The following MAGI1 variants were observed in gnomAD, a reference collection of about 807,000 sequenced individuals.
MAGI1 encodes the protein membrane-associated guanylate kinase, WW and PDZ domain-containing protein 1.
Under a neutral mutation model 139.9 loss-of-function variants are expected in MAGI1, and 58 were observed. The ratio of observed to expected loss-of-function variants is 0.41; its 90% CI spans 0.34 to 0.52. The LOEUF is 0.52. Ranked by LOEUF, MAGI1 falls within the 20% of genes least tolerant of loss-of-function variation. MAGI1 has a pLI of 0.12. For synonymous variants in MAGI1, 812 were observed against 737.9 expected, an observed-to-expected ratio of 1.10 and a Z score of -1.63; for missense variants, 1,874 against 1,901.6, an observed-to-expected ratio of 0.99 and a Z score of 0.27.
intron 2 of MAGI1, among the ~76,000 whole-genome samples, chr3:65,505,767 GA>G (rs1484220192): frequency 6.6e-6 from 1 of 151,590 alleles, no homozygotes; most frequent in Non-Finnish European, 1.5e-5. Context: ...TGCATATAAT[GA>G]AAACTAAAGA....
At chr3:65,791,608 G>A (rs1401338479) in intron 1 of MAGI1, among the ~76,000 whole-genome samples, 1 of 152,144 alleles carries the variant, frequency 6.6e-6, no homozygotes, top group Non-Finnish European at 1.5e-5. Flanking sequence ...GGCAGGAAGA[G>A]GTGGAGGATG....
intron 2 of MAGI1, among the ~76,000 whole-genome samples, chr3:65,518,298 T>C (rs1474262326): frequency 2.0e-5 from 3 of 152,214 alleles, no homozygotes; most frequent in Non-Finnish European, 4.4e-5. Flanking sequence ...AATGACTTTC[T>C]GTATCTGTAT....
At chr3:65,511,746 C>T (rs1297436312) in intron 2 of MAGI1, among the ~76,000 whole-genome samples, 12 of 149,892 alleles carry the variant, frequency 8.0e-5, no homozygotes, top group East Asian at 8.0e-4. Flanking sequence ...GACAGATCAA[C>T]GACACAGAAA....
At chr3:65,713,266 C>T (rs559143301) in intron 1 of MAGI1, among the ~76,000 whole-genome samples, 1 of 152,208 alleles carries the variant, frequency 6.6e-6, no homozygotes, top group Admixed American at 6.5e-5. Context: ...AAGCTGCAGC[C>T]ATCACCATGG....
chr3:65,415,016 A>C (rs12485318), intron 12 of MAGI1, among the ~76,000 whole-genome samples: 23 of 67,432 alleles, frequency 3.4e-4, no homozygotes, highest in South Asian at 2.4e-3. Flanking sequence ...GAAAAAAAAA[A>C]AAACAAAAAA....
intron 1 of MAGI1, among the ~76,000 whole-genome samples, chr3:65,732,992 C>T (rs1026161008): frequency 6.6e-6 from 1 of 152,168 alleles, no homozygotes; most frequent in Non-Finnish European, 1.5e-5. Flanking sequence ...TAAGTTCTTG[C>T]TGATTGTCTG....
rs567495200 is a variant in MAGI1 at position 66,038,438 on chromosome 3, T to G, written c.-130A>C. On this transcript the variant is annotated 5_prime_UTR_variant, in exon 1 of 23. Coordinates refer to ENST00000402939, the MANE Select transcript of MAGI1 (RefSeq NM_001033057.2). ...AAATCACAAAACAGGAGAGAGAAAC[T>G]TGGCAGCCTCGCTCCCCTGCACACG... The G allele has an allele frequency of 4.6e-6, 6 of 1,298,402 alleles. No individual in the cohort carries two copies. The African/African-American group carries it at 9.0e-5, about 19-fold the overall frequency. 80.4% of individuals were successfully genotyped at this position (1,298,402 alleles called of 1,614,324 possible).
chr3:65,775,165 G>A (rs973628558), intron 1 of MAGI1, among the ~76,000 whole-genome samples: 1 of 151,856 alleles, frequency 6.6e-6, no homozygotes, highest in Non-Finnish European at 1.5e-5. Context: ...GTATTTTCAG[G>A]CTGGGCGTGG....
chr3:65,478,834 A>T, intron 3 of MAGI1, 36 bp from the exon 4 acceptor site: 3 of 1,513,084 alleles, frequency 2.0e-6, no homozygotes, highest in Non-Finnish European at 2.7e-6. Context: ...ATGTTTCAAA[A>T]GGAATACTTT....
chr3:65,602,061 A>C (rs974449111), intron 2 of MAGI1, among the ~76,000 whole-genome samples: 1 of 152,170 alleles, frequency 6.6e-6, no homozygotes, highest in African/African-American at 2.4e-5. Flanking sequence ...AAATGGCTAT[A>C]ATCAAAAGGA....
intron 2 of MAGI1, among the ~76,000 whole-genome samples, chr3:65,496,887 T>C (rs1576022929): frequency 1.3e-5 from 2 of 152,166 alleles, no homozygotes; most frequent in South Asian, 2.1e-4. Context: ...ACAGAACTAA[T>C]AGAACTTGCT....
At chr3:65,621,441 T>C (rs1013720152) in intron 2 of MAGI1, among the ~76,000 whole-genome samples, 9 of 152,202 alleles carry the variant, frequency 5.9e-5, no homozygotes, top group Admixed American at 6.5e-5. Flanking sequence ...ATCATTTCTT[T>C]GAACAAAATT....
rs138202253 is a variant in MAGI1, at chr3:65,590,091, T to G, written c.430+31881A>C. 3.7e-3 allele frequency among the ~76,000 whole-genome samples: 556 copies of G among 152,278 alleles called. 1 individual carries two copies. Among genetic ancestry groups the G allele is most frequent in the Middle Eastern group, 0.014 (4 of 294 alleles). Reference sequence around the variant, plus strand: ...CTTCATTTCCTCTGAAAAACTCCCATCCAGCCTTTAAAACGCATCACCAGT... The same window carrying G: ...CTTCATTTCCTCTGAAAAACTCCCAGCCAGCCTTTAAAACGCATCACCAGT... On this transcript the variant is annotated intron_variant, in intron 2 of 22. Coordinates refer to ENST00000402939, the MANE Select transcript of MAGI1 (RefSeq NM_001033057.2).
intron 2 of MAGI1, among the ~76,000 whole-genome samples, chr3:65,589,405 A>C (rs930373802): frequency 3.9e-5 from 6 of 152,078 alleles, no homozygotes; most frequent in Non-Finnish European, 8.8e-5. Flanking sequence ...AGGACCATGC[A>C]TGTCATCTTG....
chr3:65,963,837 C>T (rs2064598357), intron 1 of MAGI1, among the ~76,000 whole-genome samples: 1 of 152,180 alleles, frequency 6.6e-6, no homozygotes, highest in African/African-American at 2.4e-5. Context: ...CAAGATTTGG[C>T]ACAATGCCAG....
At chr3:65,373,524 C>T (rs1942200221) in intron 18 of MAGI1, among the ~76,000 whole-genome samples, 1 of 152,158 alleles carries the variant, frequency 6.6e-6, no homozygotes, top group Non-Finnish European at 1.5e-5. Context: ...ATGACACTGA[C>T]AGACTTGCTC....
chr3:65,388,721 C>T (rs537308492), intron 14 of MAGI1, among the ~76,000 whole-genome samples: 21 of 151,910 alleles, frequency 1.4e-4, no homozygotes, highest in Non-Finnish European at 2.6e-4. Flanking sequence ...ACTATCTATC[C>T]GTCAACTACA....
rs115642285 is a variant in MAGI1, at chr3:65,943,013, T to C, written c.313+94983A>G. On this transcript the variant is annotated intron_variant, in intron 1 of 22. Coordinates refer to ENST00000402939, the MANE Select transcript of MAGI1 (RefSeq NM_001033057.2). ...TCCAGCCTGGGTGGTGGAGGGAGAC[T>C]CTGTCTCAAAAGAAAACAAATTTGT... 3.9e-3 allele frequency among the ~76,000 whole-genome samples: 599 copies of C among 152,208 alleles called. 1 individual carries two copies. The highest frequency in any genetic ancestry group is 0.013 in the African/African-American group (560 of 41,534).
At chr3:65,732,308 A>G (rs1457941283) in intron 1 of MAGI1, among the ~76,000 whole-genome samples, 2 of 152,218 alleles carry the variant, frequency 1.3e-5, no homozygotes, top group East Asian at 3.8e-4. Context: ...ACTTGCAAAG[A>G]CTTTGTACAC....
Sources: allele counts gnomAD v4.1 joint callset (sites outside exome capture counted in the v4.1 genomes callset), GRCh38; gene constraint gnomAD v4.1.1; transcripts MANE v1.5; gene names NCBI Gene and HGNC (gene_info 2026-07-23, HGNC 2026-07-21).